The following GTF2E1 variants were observed in gnomAD, a reference collection of about 807,000 sequenced individuals.
The protein encoded by GTF2E1 is general transcription factor IIE subunit 1.
Under a neutral mutation model 34.9 loss-of-function variants are expected in GTF2E1, and 14 were observed. The observed-to-expected ratio is 0.40, with a 90% CI of 0.27 to 0.63. The LOEUF is 0.63. GTF2E1 is among the 20% of genes least tolerant of loss of function. The pLI is 0.39. For missense variants in GTF2E1, 469 were observed against 557.7 expected, an observed-to-expected ratio of 0.84 and a Z score of 1.60; for synonymous variants, 188 against 192.9, an observed-to-expected ratio of 0.97 and a Z score of 0.21.
intron 2 of GTF2E1, among the ~76,000 whole-genome samples, chr3:120,761,884 G>A (rs1290361789): frequency 6.7e-6 from 1 of 148,888 alleles, no homozygotes; most frequent in Non-Finnish European, 1.5e-5. Flanking sequence ...TCTGCCTCCC[G>A]GGTTCATGCC....
chr3:120,768,106 A>C (rs965972298), intron 2 of GTF2E1, among the ~76,000 whole-genome samples: 3 of 152,196 alleles, frequency 2.0e-5, no homozygotes, highest in Non-Finnish European at 4.4e-5. Context: ...GTATAACATG[A>C]CTTTTTAATG....
At chr3:120,776,114 T>G (rs955728151) in intron 3 of GTF2E1, among the ~76,000 whole-genome samples, 1 of 152,208 alleles carries the variant, frequency 6.6e-6, no homozygotes, top group Non-Finnish European at 1.5e-5. Flanking sequence ...CCATATCACT[T>G]TCTCCTTCTC....
At chr3:120,776,691 T>G in intron 4 of GTF2E1, 27 bp downstream of exon 4, 1 of 1,600,706 alleles carries the variant, frequency 6.2e-7, no homozygotes, top group Non-Finnish European at 8.5e-7. Context: ...GTAAAATGGA[T>G]GTGTCTTAGG....
intron 2 of GTF2E1, among the ~76,000 whole-genome samples, chr3:120,770,264 A>G (rs1709340772): frequency 6.6e-6 from 1 of 152,148 alleles, no homozygotes; most frequent in South Asian, 2.1e-4. Flanking sequence ...CAAATGGTTA[A>G]TAAATTTTAA....
intron 2 of GTF2E1, among the ~76,000 whole-genome samples, chr3:120,761,333 G>A (rs1021120882): frequency 2.6e-5 from 4 of 151,996 alleles, no homozygotes; most frequent in African/African-American, 9.7e-5. Flanking sequence ...AGTCTGGCTA[G>A]CAGTCTATCT....
chr3:120,757,471 G>A (rs960658013), intron 2 of GTF2E1, among the ~76,000 whole-genome samples: 2 of 151,974 alleles, frequency 1.3e-5, no homozygotes, highest in Non-Finnish European at 2.9e-5. Flanking sequence ...GTGTTCTGTG[G>A]TGAATTTTTA....
At chr3:120,746,166 TA>T (rs1233296277) in intron 1 of GTF2E1, among the ~76,000 whole-genome samples, 1 of 152,190 alleles carries the variant, frequency 6.6e-6, no homozygotes, top group Non-Finnish European at 1.5e-5. Context: ...AAAAGAGTAT[TA>T]AATCTGTTGG....
intron 4 of GTF2E1, among the ~76,000 whole-genome samples, chr3:120,779,340 T>C (rs757640845): frequency 5.9e-5 from 9 of 152,236 alleles, no homozygotes; most frequent in African/African-American, 9.6e-5. Flanking sequence ...CTTGCATGCA[T>C]TCCTTACCTT....
In GTF2E1 at chr3:120,776,458, G is replaced by T; in HGVS notation, c.686G>T (p.Ser229Ile). ...GCAGCAACTACTGCTGGAGCTGCTA[G>T]CCTAGCAGGTGGGCACCACCGGGAA... Reference protein sequence around the residue: ...DHAATTAGAASLAGGHHREAW... With the variant: ...DHAATTAGAAILAGGHHREAW... The change falls in exon 4 of 5, where the codon AGC (serine) becomes ATC (isoleucine). Residue 229 changes from serine to isoleucine, a missense_variant. By Grantham distance (142) the Ser-to-Ile change is moderately radical (BLOSUM62 -2). Transcript: ENST00000283875. 6.2e-7 allele frequency: 1 copy of T among 1,613,112 alleles called. No homozygotes were observed. Among genetic ancestry groups the T allele is most frequent in the Non-Finnish European group, 8.5e-7 (1 of 1,179,366 alleles).
chr3:120,750,897 G>C lies in GTF2E1; in HGVS notation c.345G>C (p.Glu115Asp). 6.2e-7 allele frequency: 1 copy of C among 1,613,868 alleles called. No homozygotes were observed. Among genetic ancestry groups the C allele is most frequent in the Non-Finnish European group, 8.5e-7 (1 of 1,179,796 alleles). The change falls in exon 2 of 5, where the codon GAG becomes GAC. Residue 115 changes from glutamate to aspartate, a missense_variant. Transcript: ENST00000283875. ...TGGACCACATGAGAAGAAGAATTGAGACCGATGAGAGAGATTCGACCAACC... is the reference window on the plus strand; with the variant it reads ...TGGACCACATGAGAAGAAGAATTGACACCGATGAGAGAGATTCGACCAACC... The part of the protein sequence containing the change: ...YKLDHMRRRI[E>D]TDERDSTNRA...
chr3:120,758,545 A>G (rs1048372796), intron 2 of GTF2E1, among the ~76,000 whole-genome samples: 1 of 151,502 alleles, frequency 6.6e-6, no homozygotes, highest in South Asian at 2.1e-4. Flanking sequence ...TACGTTAGGT[A>G]TTTCTCCTAC....
At chr3:120,749,568 G>A (rs377423599) in intron 1 of GTF2E1, among the ~76,000 whole-genome samples, 88 of 152,202 alleles carry the variant, frequency 5.8e-4, no homozygotes, top group East Asian at 3.5e-3. Flanking sequence ...ATTGATTTGC[G>A]TATATTGAAC....
chr3:120,752,291 A>G lies in GTF2E1; in HGVS notation c.448+1291A>G, dbSNP rs57699497. Among the ~76,000 whole-genome samples the G allele has an allele frequency of 1.8e-3, 273 of 152,312 alleles. 2 individuals are homozygous for G. The highest frequency in any genetic ancestry group is 6.4e-3 in the African/African-American group (265 of 41,582). ...TGAGTGTTCTATAGAGGAAGGTTGT[A>G]GAATATATCTGGAGCTCTTCAAAAT... On this transcript the variant is annotated intron_variant, in intron 2 of 4. Transcript: ENST00000283875.
chr3:120,766,993 A>G (rs888015832), intron 2 of GTF2E1, among the ~76,000 whole-genome samples: 2 of 152,158 alleles, frequency 1.3e-5, no homozygotes, highest in African/African-American at 4.8e-5. Flanking sequence ...TTTCTGTAAA[A>G]TGTCAAATTT....
chr3:120,759,417 T>A (rs1196572898), intron 2 of GTF2E1, among the ~76,000 whole-genome samples: 1 of 152,212 alleles, frequency 6.6e-6, no homozygotes, highest in East Asian at 1.9e-4. Context: ...TAATTTCTTT[T>A]GCTATGCAGA....
intron 2 of GTF2E1, among the ~76,000 whole-genome samples, chr3:120,760,652 C>T (rs1377681290): frequency 6.6e-6 from 1 of 152,152 alleles, no homozygotes; most frequent in Non-Finnish European, 1.5e-5. Context: ...TGAATTTTGT[C>T]AAAGACCTTT....
At chr3:120,764,118 A>T (rs1365783579) in intron 2 of GTF2E1, among the ~76,000 whole-genome samples, 2 of 152,154 alleles carry the variant, frequency 1.3e-5, no homozygotes, top group Non-Finnish European at 2.9e-5. Context: ...TTACATTGTT[A>T]TATGAGAGAG....
chr3:120,778,468 C>T (rs1709419477), intron 4 of GTF2E1, among the ~76,000 whole-genome samples: 1 of 152,158 alleles, frequency 6.6e-6, no homozygotes, highest in South Asian at 2.1e-4. Flanking sequence ...ATTGTATCGA[C>T]TTCAATCATG....
chr3:120,751,649 A>G (rs927490069), intron 2 of GTF2E1, among the ~76,000 whole-genome samples: 12 of 152,246 alleles, frequency 7.9e-5, no homozygotes, highest in African/African-American at 2.9e-4. Context: ...ATCTGAAAAT[A>G]CAATATGTCT....
Sources: gnomAD v4.1 joint callset for allele counts (sites outside exome capture counted in the v4.1 genomes callset) on GRCh38, gnomAD v4.1.1 for gene constraint, MANE v1.5 for transcripts, NCBI Gene and HGNC (gene_info 2026-07-23, HGNC 2026-07-21) for gene names.